Variants in IL1RAPL1 observed in about 807,000 individuals in gnomAD.
IL1RAPL1 encodes interleukin-1 receptor accessory protein-like 1.
In IL1RAPL1, 3 loss-of-function variants were observed where a neutral mutation model predicts 48.4. The observed-to-expected ratio is 0.06, with a 90% CI of 0.03 to 0.16. The LOEUF (loss-of-function observed/expected upper bound fraction) is 0.16, where lower values mean the gene tolerates loss of function less well. Ranked by LOEUF, IL1RAPL1 falls within the 10% of genes least tolerant of loss-of-function variation. The probability of loss-of-function intolerance (pLI) is 1.00; values close to 1 mark genes in which losing one functional copy is unlikely to be tolerated. For missense variants in IL1RAPL1, 349 were observed against 530.6 expected, an observed-to-expected ratio of 0.66 and a Z score of 3.36; for synonymous variants, 185 against 187.7, an observed-to-expected ratio of 0.99 and a Z score of 0.12.
rs1232912582 is a variant in IL1RAPL1, at chrX:29,334,375, G to C, written c.362+51158G>C. ...ACGGGGCGACTGGCCGGGCAGAGGG[G>C]CTCCTCACTTCCCAGTAGGGGCGGC... On this transcript the variant is annotated intron_variant, in intron 3 of 10. Coordinates refer to ENST00000378993, the MANE Select transcript of IL1RAPL1 (RefSeq NM_014271.4). 4.1e-5 allele frequency among the ~76,000 whole-genome samples: 4 copies of C among 98,350 alleles called. No homozygotes were observed. In the East Asian group the frequency reaches 1.4e-3, roughly 33 times the overall value. 85.4% of individuals were successfully genotyped at this position (98,350 alleles called of 115,157 possible).
At chrX:29,571,758 G>A (rs1203138387) in intron 5 of IL1RAPL1, among the ~76,000 whole-genome samples, 1 of 111,593 alleles carries the variant, frequency 9.0e-6, no homozygotes, top group East Asian at 2.8e-4. Flanking sequence ...ATAGATGAAA[G>A]ATTGGTCATT....
At chrX:28,938,422 A>T (rs1924073782) in intron 2 of IL1RAPL1, among the ~76,000 whole-genome samples, 2 of 110,575 alleles carry the variant, frequency 1.8e-5, no homozygotes, top group African/African-American at 6.6e-5. Flanking sequence ...TGGTGAAAAG[A>T]CTCCCCAGTT....
intron 3 of IL1RAPL1, among the ~76,000 whole-genome samples, chrX:29,366,718 G>A (rs1261669553): frequency 2.8e-5 from 3 of 107,702 alleles, no homozygotes; most frequent in East Asian, 2.9e-4. Context: ...ACAGGTACCC[G>A]GCACCACGCC....
intron 6 of IL1RAPL1, among the ~76,000 whole-genome samples, chrX:29,752,177 G>A (rs190211256): frequency 2.1e-3 from 209 of 100,816 alleles, no homozygotes; most frequent in African/African-American, 7.4e-3. Flanking sequence ...AACACTGCTG[G>A]ATTTATATAT....
intron 1 of IL1RAPL1, among the ~76,000 whole-genome samples, chrX:28,706,561 C>A (rs745751237): frequency 1.8e-5 from 2 of 110,719 alleles, no homozygotes; most frequent in Non-Finnish European, 3.8e-5. Context: ...TACAGGCACA[C>A]GCCACCATGC....
chrX:29,518,431 G>A (rs1055608904), intron 5 of IL1RAPL1, among the ~76,000 whole-genome samples: 1 of 110,881 alleles, frequency 9.0e-6, no homozygotes, highest in East Asian at 2.8e-4. Context: ...AAGAGTATAT[G>A]GCAAGTGAGG....
chrX:29,773,686 A>C (rs1929123272), intron 6 of IL1RAPL1, among the ~76,000 whole-genome samples: 1 of 111,451 alleles, frequency 9.0e-6, no homozygotes, highest in Non-Finnish European at 1.9e-5. Flanking sequence ...GCTAATCTTC[A>C]GAAAGGGCAC....
chrX:29,102,024 A>C (rs1928350311), intron 2 of IL1RAPL1, among the ~76,000 whole-genome samples: 2 of 112,176 alleles, frequency 1.8e-5, no homozygotes, highest in South Asian at 7.5e-4. Flanking sequence ...TAGGCAAATC[A>C]ATCAGTGTGG....
At chrX:28,706,420 CTT>C (rs199806459) in intron 1 of IL1RAPL1, among the ~76,000 whole-genome samples, 8 of 102,731 alleles carry the variant, frequency 7.8e-5, no homozygotes, top group African/African-American at 2.8e-4. Flanking sequence ...TCTTTCTTTT[CTT>C]TTTTTTTTTT....
chrX:29,340,726 C>G (rs35176619), intron 3 of IL1RAPL1, among the ~76,000 whole-genome samples: 45,893 of 110,163 alleles, frequency 0.42, 8,416 homozygotes, highest in Non-Finnish European at 0.57. Context: ...TTCTTCCTTT[C>G]TGAAATACAG....
intron 2 of IL1RAPL1, among the ~76,000 whole-genome samples, chrX:28,946,406 A>T (rs1175931108): frequency 9.0e-6 from 1 of 111,035 alleles, no homozygotes; most frequent in Non-Finnish European, 1.9e-5. Context: ...AGGCACTGCC[A>T]TTATTAGGTA....
At chrX:29,046,880 T>C (rs2147421395) in intron 2 of IL1RAPL1, among the ~76,000 whole-genome samples, 1 of 112,390 alleles carries the variant, frequency 8.9e-6, no homozygotes, top group African/African-American at 3.2e-5. Flanking sequence ...GCCATCTTCC[T>C]GTCTCACTAA....
intron 2 of IL1RAPL1, among the ~76,000 whole-genome samples, chrX:29,142,140 T>G (rs1251106922): frequency 8.9e-6 from 1 of 111,917 alleles, no homozygotes; most frequent in Non-Finnish European, 1.9e-5. Flanking sequence ...TAGTCAAAAT[T>G]GCTAAGGGAA....
At chrX:29,951,925 G>A (rs1247079295) in intron 9 of IL1RAPL1, among the ~76,000 whole-genome samples, 1 of 111,617 alleles carries the variant, frequency 9.0e-6, no homozygotes, top group Non-Finnish European at 1.9e-5. Context: ...TGATGTTATG[G>A]AAGGAAAGGA....
At chrX:28,974,538 G>C (rs1925159909) in intron 2 of IL1RAPL1, among the ~76,000 whole-genome samples, 1 of 111,698 alleles carries the variant, frequency 9.0e-6, no homozygotes, top group Non-Finnish European at 1.9e-5. Context: ...TTGAATTAAG[G>C]TTTCCTTTAC....
At chrX:28,921,295 C>T (rs1216697619) in intron 2 of IL1RAPL1, among the ~76,000 whole-genome samples, 1 of 111,716 alleles carries the variant, frequency 9.0e-6, no homozygotes, top group Non-Finnish European at 1.9e-5. Context: ...TTAGATGGCA[C>T]ATTAATTTTA....
rs1266037254 is a variant in IL1RAPL1, at chrX:29,283,147, AAAG to A, written c.300_302del (p.Glu100del). The A allele has an allele frequency of 8.3e-7, 1 of 1,211,728 alleles. No individual in the cohort carries two copies. Among genetic ancestry groups the A allele is most frequent in the African/African-American group, 1.7e-5 (1 of 57,819 alleles). On this transcript the variant is annotated inframe_deletion, in exon 3 of 11. Coordinates refer to ENST00000378993, the MANE Select transcript of IL1RAPL1 (RefSeq NM_014271.4). ...AGCCTTTGACGGAAGTAGAATGAGC[AAAG>A]AAGAAGACTCCATTTGGTTCCGGCC...
intron 2 of IL1RAPL1, among the ~76,000 whole-genome samples, chrX:28,849,936 A>G (rs1351497384): frequency 1.8e-5 from 2 of 111,837 alleles, no homozygotes; most frequent in Non-Finnish European, 3.8e-5. Flanking sequence ...TTATTGGACT[A>G]AGGTCTTAAA....
At chrX:28,986,979 C>T (rs1273669299) in intron 2 of IL1RAPL1, among the ~76,000 whole-genome samples, 1 of 112,242 alleles carries the variant, frequency 8.9e-6, no homozygotes, top group African/African-American at 3.2e-5. Flanking sequence ...TGAATTTTCA[C>T]TGAGAAGATA....
Sources: allele counts gnomAD v4.1 joint callset (sites outside exome capture counted in the v4.1 genomes callset), GRCh38; gene constraint gnomAD v4.1.1; transcripts MANE v1.5; gene names NCBI Gene and HGNC (gene_info 2026-07-23, HGNC 2026-07-21).